ANK3: variants seen among roughly 807,000 people sequenced by gnomAD.
ANK3 encodes ankyrin-3.
ANK3 carries 57 observed loss-of-function variants against 370.9 expected under a neutral mutation model. That is an observed-to-expected ratio of 0.15 (90% CI 0.12 to 0.19). The LOEUF (loss-of-function observed/expected upper bound fraction) is 0.19. Ranked by LOEUF, ANK3 falls within the 10% of genes least tolerant of loss-of-function variation. The probability of loss-of-function intolerance (pLI) is 1.00; values close to 1 mark genes in which losing one functional copy is unlikely to be tolerated. For missense variants in ANK3, 4,439 were observed against 5,302.1 expected, an observed-to-expected ratio of 0.84 and a Z score of 5.06; for synonymous variants, 1,929 against 1,946.3, an observed-to-expected ratio of 0.99 and a Z score of 0.23.
At chr10:60,535,484 G>A (rs1356792413) in intron 2 of ANK3, among the ~76,000 whole-genome samples, 1 of 151,942 alleles carries the variant, frequency 6.6e-6, no homozygotes, top group Non-Finnish European at 1.5e-5. Flanking sequence ...ATACATACTG[G>A]TGGGCTATAT....
intron 25 of ANK3, among the ~76,000 whole-genome samples, chr10:60,120,104 A>G (rs1412122883): frequency 6.6e-6 from 1 of 152,194 alleles, no homozygotes; most frequent in Non-Finnish European, 1.5e-5. Context: ...GGTGCTGGGA[A>G]AAAATCAGGC....
intron 2 of ANK3, among the ~76,000 whole-genome samples, chr10:60,395,920 A>T (rs995761084): frequency 8.5e-5 from 13 of 152,154 alleles, no homozygotes; most frequent in Admixed American, 8.5e-4. Flanking sequence ...GTCAGCACTC[A>T]GCACAATGCT....
At chr10:60,194,331 C>T (rs2096547657) in intron 16 of ANK3, among the ~76,000 whole-genome samples, 1 of 152,130 alleles carries the variant, frequency 6.6e-6, no homozygotes, top group South Asian at 2.1e-4. Context: ...ACATTGTTCT[C>T]CAACCATCAC....
intron 2 of ANK3, among the ~76,000 whole-genome samples, chr10:60,494,951 C>T (rs2133129375): frequency 6.6e-6 from 1 of 152,256 alleles, no homozygotes; most frequent in South Asian, 2.1e-4. Context: ...ATTTACAAGG[C>T]TAGACAACTC....
At chr10:60,082,108 A>T (rs1400266387) in intron 35 of ANK3, 42 bp downstream of exon 35, 2 of 1,527,232 alleles carry the variant, frequency 1.3e-6, no homozygotes, top group Non-Finnish European at 1.8e-6. Flanking sequence ...TTCAATTTCT[A>T]TTCTACTTCT....
chr10:60,026,758 T>C lies in ANK3; in HGVS notation c.*3088A>G, dbSNP rs553568642. On this transcript the variant is annotated 3_prime_UTR_variant, in exon 44 of 44. Coordinates refer to ENST00000280772, the MANE Select transcript of ANK3 (RefSeq NM_020987.5). The stretch of plus-strand genomic sequence containing the variant: ...TATTGAAATAATACTGCATAGTGTA[T>C]TGCCATAATTTGGCAATACAGTGAT... 1 of 152,328 alleles carries C rather than the reference T, an allele frequency of 6.6e-6. No individual in the cohort carries two copies. Among genetic ancestry groups the C allele is most frequent in the South Asian group, 2.1e-4 (1 of 4,828 alleles). 9.4% of individuals were successfully genotyped at this position (152,328 alleles called of 1,614,324 possible).
intron 30 of ANK3, among the ~76,000 whole-genome samples, chr10:60,085,946 A>G (rs1326002967): frequency 6.6e-6 from 1 of 152,216 alleles, no homozygotes; most frequent in East Asian, 1.9e-4. Flanking sequence ...GAACTACCAA[A>G]GTTAAGAAAC....
intron 12 of ANK3, among the ~76,000 whole-genome samples, chr10:60,201,705 CTTCTTT>C (rs1412465511): frequency 2.4e-5 from 3 of 124,496 alleles, no homozygotes; most frequent in Non-Finnish European, 4.8e-5. Flanking sequence ...GTTGAAATCA[CTTCTTT>C]TTTTTTTTTT....
intron 1 of ANK3, among the ~76,000 whole-genome samples, chr10:60,326,774 C>A (rs2049976581): frequency 6.6e-6 from 1 of 152,122 alleles, no homozygotes; most frequent in Middle Eastern, 3.2e-3. Context: ...GTAATCCCAG[C>A]ACTTCAGGAG....
Position 60,071,464 on chromosome 10 carries a change from C to T in ANK3, c.9417G>A (p.Lys3139=), listed in dbSNP as rs756377705. Reference sequence around the variant, plus strand: ...GACTACCTTGGGGAGAAGGAGGTTGCTTTTGCTGTCTAGTTGTATAAAAGG... The same window carrying T: ...GACTACCTTGGGGAGAAGGAGGTTGTTTTTGCTGTCTAGTTGTATAAAAGG... ...RGTFYTTRQQ[K]QPPSPQGSPE... is the part of the protein sequence containing the mutation. Residue 3139 remains lysine (K), a synonymous_variant, in exon 37 of 44, where the codon AAG becomes AAA. Coordinates refer to ENST00000280772, the MANE Select transcript of ANK3 (RefSeq NM_020987.5). 3.7e-6 allele frequency: 6 copies of T among 1,613,978 alleles called. No homozygotes were observed. The East Asian group carries it at 1.1e-4, about 30-fold the overall frequency.
intron 1 of ANK3, among the ~76,000 whole-genome samples, chr10:60,636,722 C>T (rs931396488): frequency 2.6e-5 from 4 of 152,172 alleles, no homozygotes; most frequent in Admixed American, 1.3e-4. Flanking sequence ...CAAGAACAGA[C>T]AAGGCATCAA....
chr10:60,031,775 A>G (rs1564502653), intron 43 of ANK3, among the ~76,000 whole-genome samples: 2 of 152,146 alleles, frequency 1.3e-5, no homozygotes, highest in Non-Finnish European at 2.9e-5. Flanking sequence ...ATGTTGGTAG[A>G]GCACTTCCTC....
In ANK3 at chr10:60,075,571, C is replaced by A. The variant is rs572321161; in HGVS notation, c.5310G>T (p.Thr1770=). 3.7e-6 allele frequency: 6 copies of A among 1,614,006 alleles called. No individual in the cohort carries two copies. In the South Asian group the frequency reaches 6.6e-5, roughly 18 times the overall value. ...TGAGTGGGGAAAATGGCATTGCAGT[C>A]GTGGTAGAAAACACTTTCTCAACTG... ...TDTVEKVFST[T]TAMPFSPLRS... is the part of the protein sequence containing the mutation. The change falls in exon 37 of 44, where the codon ACG becomes ACT. Residue 1770 remains threonine, a synonymous_variant. Coordinates refer to ENST00000280772, the MANE Select transcript of ANK3 (RefSeq NM_020987.5).
At chr10:60,559,092 A>C (rs749286937) in intron 2 of ANK3, among the ~76,000 whole-genome samples, 5 of 152,186 alleles carry the variant, frequency 3.3e-5, no homozygotes, top group Non-Finnish European at 7.3e-5. Context: ...TAATGAGAAC[A>C]ATAGTTACTA....
intron 1 of ANK3, among the ~76,000 whole-genome samples, chr10:60,362,522 C>A (rs1191850975): frequency 6.6e-6 from 1 of 152,194 alleles, no homozygotes; most frequent in African/African-American, 2.4e-5. Flanking sequence ...AATGAGAATA[C>A]TTCTATCGCA....
At chr10:60,425,190 T>C (rs796439377) in intron 2 of ANK3, among the ~76,000 whole-genome samples, 31 of 152,030 alleles carry the variant, frequency 2.0e-4, no homozygotes, top group African/African-American at 7.2e-4. Flanking sequence ...GGCTGCATTG[T>C]TCCCGTGGGC....
intron 16 of ANK3, among the ~76,000 whole-genome samples, chr10:60,194,072 G>C (rs746653193): frequency 2.6e-5 from 4 of 152,178 alleles, no homozygotes; most frequent in Non-Finnish European, 5.9e-5. Flanking sequence ...AGTGAGCCAA[G>C]ATCGTGCCAC....
At position 60,261,851 on chromosome 10, in the gene ANK3, G is replaced by A; in HGVS notation, c.798+8C>T. 6.2e-7 allele frequency: 1 copy of A among 1,612,444 alleles called. No individual in the cohort carries two copies. The highest frequency in any genetic ancestry group is 8.5e-7 in the Non-Finnish European group (1 of 1,178,504). ...CTTTAAAGGTATTACACATTGCTGT[G>A]CTCTTACCCTTGCGGTGAAATCCAC... On this transcript the variant is annotated splice_region_variant and intron_variant, in intron 7 of 43. Transcript: ENST00000280772.
At chr10:60,420,364 G>T (rs79576783) in intron 2 of ANK3, among the ~76,000 whole-genome samples, 13,557 of 152,172 alleles carry the variant, frequency 0.089, 771 homozygotes, top group South Asian at 0.16. Flanking sequence ...CTGGACCACA[G>T]AAAGCATCTT....
Sources: gnomAD v4.1 joint callset for allele counts (sites outside exome capture counted in the v4.1 genomes callset) on GRCh38, gnomAD v4.1.1 for gene constraint, MANE v1.5 for transcripts, NCBI Gene and HGNC (gene_info 2026-07-23, HGNC 2026-07-21) for gene names.